The following PHF14 variants were observed in gnomAD, a reference collection of about 807,000 sequenced individuals.
The protein encoded by PHF14 is PHD finger protein 14.
Under a neutral mutation model 117.9 loss-of-function variants are expected in PHF14, and 55 were observed. That is an observed-to-expected ratio of 0.47 (90% CI 0.38 to 0.58). The LOEUF (loss-of-function observed/expected upper bound fraction) is 0.58. Ranked by LOEUF, PHF14 falls within the 20% of genes least tolerant of loss-of-function variation. The pLI is 0.00. For synonymous variants in PHF14, 409 were observed against 368.6 expected (o/e 1.11, Z -1.26); for missense variants, 978 against 1,122.2 (o/e 0.87, Z 1.84).
intron 3 of PHF14, among the ~76,000 whole-genome samples, chr7:10,985,865 C>T (rs1782206482): frequency 6.6e-6 from 1 of 151,966 alleles, no homozygotes; most frequent in Non-Finnish European, 1.5e-5. Flanking sequence ...GTTGGCCAGG[C>T]TGTTCTCCAA....
chr7:11,008,809 G>A (rs1224084302), intron 4 of PHF14, among the ~76,000 whole-genome samples: 1 of 152,110 alleles, frequency 6.6e-6, no homozygotes, highest in Non-Finnish European at 1.5e-5. Flanking sequence ...GCTGAGGTGG[G>A]TGGATCACGA....
At chr7:11,109,793 A>C (rs1243842389) in intron 16 of PHF14, 1 of 152,024 alleles carries the variant, frequency 6.6e-6, no homozygotes, top group African/African-American at 2.4e-5. Flanking sequence ...CATAGTAAAT[A>C]AAGTACTGTT....
At chr7:11,160,619 A>G (rs545204237) in intron 17 of PHF14, among the ~76,000 whole-genome samples, 31 of 152,294 alleles carry the variant, frequency 2.0e-4, no homozygotes, top group Admixed American at 4.6e-4. Flanking sequence ...TCAATGAGAT[A>G]CTATCACAAA....
At chr7:11,092,472 A>G (rs912263607) in intron 16 of PHF14, among the ~76,000 whole-genome samples, 25 of 152,194 alleles carry the variant, frequency 1.6e-4, no homozygotes, top group African/African-American at 5.8e-4. Context: ...GTGGTTCTCA[A>G]TTGGCTAGAG....
intron 16 of PHF14, among the ~76,000 whole-genome samples, chr7:11,088,216 TA>T (rs1197189295): frequency 2.0e-5 from 3 of 152,200 alleles, no homozygotes; most frequent in African/African-American, 7.2e-5. Context: ...TAATACAATG[TA>T]AATGCTATGT....
chr7:11,120,975 G>T (rs1787735378), intron 17 of PHF14, among the ~76,000 whole-genome samples: 1 of 151,920 alleles, frequency 6.6e-6, no homozygotes, highest in African/African-American at 2.4e-5. Flanking sequence ...CTTTGTCAAG[G>T]TCATTAAAAC....
chr7:11,053,171 G>A (rs1462060577), intron 14 of PHF14, among the ~76,000 whole-genome samples: 3 of 151,970 alleles, frequency 2.0e-5, no homozygotes, highest in Non-Finnish European at 4.4e-5. Flanking sequence ...TAAAGTAACA[G>A]TTTTCTCAAA....
intron 16 of PHF14, chr7:11,063,279 T>G (rs1785301847): frequency 1.0e-6 from 1 of 984,650 alleles, no homozygotes; most frequent in Non-Finnish European, 1.2e-6. Flanking sequence ...TTTATTAAAA[T>G]TTAGGGTAAA....
At chr7:11,062,694 A>G (rs1785270185) in intron 16 of PHF14, 1 of 985,020 alleles carries the variant, frequency 1.0e-6, no homozygotes, top group Non-Finnish European at 1.2e-6. Flanking sequence ...CAGAAATCTT[A>G]GCTGATGCTG....
chr7:11,007,175 A>G (rs567447733), intron 4 of PHF14, among the ~76,000 whole-genome samples: 1 of 152,050 alleles, frequency 6.6e-6, no homozygotes, highest in Non-Finnish European at 1.5e-5. Flanking sequence ...CCCGGGTAAC[A>G]AGAGCGAAAC....
At chr7:10,991,343 A>G (rs1782441248) in intron 4 of PHF14, among the ~76,000 whole-genome samples, 1 of 151,600 alleles carries the variant, frequency 6.6e-6, no homozygotes, top group African/African-American at 2.4e-5. Context: ...ATGCCTGGCT[A>G]ATTTTTGTAT....
chr7:11,130,838 T>C lies in PHF14; in HGVS notation c.2772+19371T>C, dbSNP rs1788074966. On this transcript the variant is annotated intron_variant, in intron 17 of 17. Transcript: ENST00000634607. This position sits in a 1 kb window ranked among gnomAD's most constrained non-coding sequence, Gnocchi z 4.2. Reference sequence around the variant, plus strand: ...TGCTCTGCCTATTCACCACTCCCTCTCTACCATCAAACCACTGGCAACCAC... The same window carrying C: ...TGCTCTGCCTATTCACCACTCCCTCCCTACCATCAAACCACTGGCAACCAC... Among the ~76,000 whole-genome samples, 1 of 151,986 alleles carries C rather than the reference T, an allele frequency of 6.6e-6. No individual in the cohort carries two copies.
intron 6 of PHF14, among the ~76,000 whole-genome samples, chr7:11,028,058 C>T (rs971653929): frequency 5.9e-5 from 9 of 152,010 alleles, no homozygotes; most frequent in African/African-American, 2.2e-4. Context: ...CTGATAAATC[C>T]ATTGTAAGTT....
intron 17 of PHF14, among the ~76,000 whole-genome samples, chr7:11,117,525 AT>A (rs1787630189): frequency 6.6e-6 from 1 of 151,478 alleles, no homozygotes; most frequent in African/African-American, 2.4e-5. Flanking sequence ...TTTTGGTTTT[AT>A]TTTTTATCTT....
intron 13 of PHF14, among the ~76,000 whole-genome samples, chr7:11,044,062 A>G (rs1427962747): frequency 6.6e-6 from 1 of 152,090 alleles, no homozygotes; most frequent in Non-Finnish European, 1.5e-5. Flanking sequence ...AGGCCATTAT[A>G]CTCAGTGAAT....
At chr7:11,084,305 T>C (rs1017523393) in intron 16 of PHF14, among the ~76,000 whole-genome samples, 3 of 152,228 alleles carry the variant, frequency 2.0e-5, no homozygotes, top group African/African-American at 4.8e-5. Context: ...AGTATTACTT[T>C]ATTGGATTTA....
chr7:11,125,133 A>G (rs918526555), intron 17 of PHF14, among the ~76,000 whole-genome samples: 16 of 152,106 alleles, frequency 1.1e-4, no homozygotes, highest in African/African-American at 3.1e-4. Context: ...AAACTAATCT[A>G]TTGAACTTGG....
At chr7:10,994,219 C>G (rs1014094665) in intron 4 of PHF14, among the ~76,000 whole-genome samples, 1 of 152,088 alleles carries the variant, frequency 6.6e-6, no homozygotes, top group African/African-American at 2.4e-5. Flanking sequence ...CAGTGAATCA[C>G]TTGAGGTCAG....
chr7:10,991,529 C>G (rs923788348), intron 4 of PHF14, among the ~76,000 whole-genome samples: 2 of 152,036 alleles, frequency 1.3e-5, no homozygotes, highest in African/African-American at 4.8e-5. Context: ...AGGCTGGTCT[C>G]AAACTCCTGA....
Sources: gnomAD v4.1 joint callset for allele counts (sites outside exome capture counted in the v4.1 genomes callset) on GRCh38, gnomAD v4.1.1 for gene constraint, Gnocchi (gnomAD v3.1) non-coding constraint, MANE v1.5 for transcripts, NCBI Gene and HGNC (gene_info 2026-07-23, HGNC 2026-07-21) for gene names.